Variants in CUX1 observed in about 807,000 individuals in gnomAD.
CUX1 encodes cut like homeobox 1, also known as protein CASP.
Under a neutral mutation model 158.8 loss-of-function variants are expected in CUX1, and 31 were observed. The observed-to-expected ratio is 0.20, with a 90% confidence interval of 0.15 to 0.26. The LOEUF is 0.26. CUX1 is among the 10% of genes least tolerant of loss of function. The pLI, the probability that CUX1 is intolerant of heterozygous loss-of-function variation, is 1.00. For synonymous variants in CUX1, 879 were observed against 862.1 expected (o/e 1.02, Z -0.34); for missense variants, 1,589 against 2,014.6 (o/e 0.79, Z 4.04).
At chr7:102,054,820 G>A (rs1585441043) in intron 3 of CUX1, among the ~76,000 whole-genome samples, 2 of 152,054 alleles carry the variant, frequency 1.3e-5, no homozygotes, top group East Asian at 3.8e-4. Flanking sequence ...AAAAGTTAAA[G>A]ATTAGCCAAG....
At chr7:102,209,698 T>G (rs1415284192) in intron 20 of CUX1, among the ~76,000 whole-genome samples, 4 of 152,156 alleles carry the variant, frequency 2.6e-5, no homozygotes, top group African/African-American at 9.7e-5. Flanking sequence ...AGGTGGTCCT[T>G]GGGGACTGAT....
intron 4 of CUX1, among the ~76,000 whole-genome samples, chr7:102,079,080 A>T (rs782506435): frequency 6.6e-6 from 1 of 152,188 alleles, no homozygotes; most frequent in Non-Finnish European, 1.5e-5. Context: ...CTGTTCTTTT[A>T]TACTTCTTTC....
intron 8 of CUX1, chr7:102,153,814 GAC>G (rs1186933439): frequency 3.9e-5 from 6 of 152,270 alleles, no homozygotes; most frequent in African/African-American, 7.2e-5. Context: ...GCTTCTGAAA[GAC>G]ACACCCAGAC....
intron 2 of CUX1, among the ~76,000 whole-genome samples, chr7:102,026,556 A>T (rs1820045820): frequency 6.6e-6 from 1 of 151,676 alleles, no homozygotes; most frequent in African/African-American, 2.4e-5. Context: ...CCGGTGGCTC[A>T]TGCCTGTAAT....
At chr7:102,266,231 G>A (rs1790805451) in intron 14 of CUX1, among the ~76,000 whole-genome samples, 1 of 150,720 alleles carries the variant, frequency 6.6e-6, no homozygotes, top group Non-Finnish European at 1.5e-5. Context: ...GAGAGAGAGA[G>A]AGACTTAAGA....
intron 2 of CUX1, among the ~76,000 whole-genome samples, chr7:101,942,805 G>A (rs1353365177): frequency 4.6e-5 from 7 of 152,206 alleles, no homozygotes; most frequent in Admixed American, 6.5e-5. Context: ...CTCCTCCACC[G>A]ACTGCTCCAA....
rs1799927119 is a variant in CUX1 at position 102,239,408 on chromosome 7, CCCCCAG to C, written c.3719_3724del (p.Pro1240_Gln1241del). The C allele has an allele frequency of 6.2e-7, 1 of 1,613,500 alleles. No homozygotes were observed. The highest frequency in any genetic ancestry group is 1.3e-5 in the African/African-American group (1 of 74,946). On this transcript the variant is annotated inframe_deletion, in exon 23 of 24. Transcript: ENST00000292535. Reference sequence around the variant, plus strand: ...GCACCGAGTACAGCCAGGGCGCCAGCCCCCAGCCCCAGCACCAGCTGAAGAAACCCC... The same window carrying C: ...GCACCGAGTACAGCCAGGGCGCCAGCCCCCAGCACCAGCTGAAGAAACCCC...
chr7:102,170,347 T>C (rs781828141), intron 9 of CUX1, 99 bp from the exon 10 acceptor site: 124 of 818,742 alleles, frequency 1.5e-4, no homozygotes, highest in Non-Finnish European at 2.0e-4. Context: ...GGAAAATCAA[T>C]TATAGTCAGT....
At chr7:102,186,941 A>C (rs1554515491) in intron 11 of CUX1, 2 of 152,200 alleles carry the variant, frequency 1.3e-5, no homozygotes, top group Non-Finnish European at 2.9e-5. Context: ...CTGAGGCAAG[A>C]GAATTGCTTG....
Position 102,253,945 on chromosome 7 carries a change from G to A in CUX1, c.*4903G>A. 1 of 985,556 alleles carries A rather than the reference G, an allele frequency of 1.0e-6. No individual in the cohort carries two copies. Among genetic ancestry groups the A allele is most frequent in the Non-Finnish European group, 1.2e-6 (1 of 830,048 alleles). The allele number at this position is 985,556 out of a possible 1,614,324, so 61.1% of individuals were successfully genotyped here. A position where few individuals can be genotyped will look rare whatever the true frequency, so the allele number is the denominator to read the frequency against. On this transcript the variant is annotated 3_prime_UTR_variant, in exon 24 of 24. Transcript: ENST00000292535. The stretch of plus-strand genomic sequence containing the variant: ...ATTGTCCCTTCTACCTCACTAACCT[G>A]TCTTCTCCATCTGATGTCACCCAGA...
chr7:102,201,025 TAAAAAAAAAA>T lies in CUX1; in HGVS notation c.2063-315_2063-306del, dbSNP rs78359248. On this transcript the variant is annotated intron_variant, in intron 17 of 23. Transcript: ENST00000292535. The surrounding 1 kb of genome is among the most constrained non-coding windows in gnomAD (Gnocchi z 5.0). ...CTGGACAACAGCGAGATCCTGTCGC[TAAAAAAAAAA>T]AAAAAAAAAAAAAAAAAAATTCTCG... Among the ~76,000 whole-genome samples, 337 of 42,136 alleles carry T rather than the reference TAAAAAAAAAA, an allele frequency of 8.0e-3. 4 individuals are homozygous for T. The highest frequency in any genetic ancestry group is 0.03 in the Middle Eastern group (2 of 66). 27.6% of individuals were successfully genotyped at this position (42,136 alleles called of 152,430 possible). A position where few individuals can be genotyped will look rare whatever the true frequency, so the allele number is the denominator to read the frequency against.
intron 2 of CUX1, among the ~76,000 whole-genome samples, chr7:101,928,350 A>C (rs1440971560): frequency 6.6e-6 from 1 of 151,842 alleles, no homozygotes; most frequent in Non-Finnish European, 1.5e-5. Context: ...TTGTGTTCAC[A>C]AATGGCCTTT....
At chr7:102,099,038 G>A (rs1829507623) in intron 5 of CUX1, among the ~76,000 whole-genome samples, 1 of 152,082 alleles carries the variant, frequency 6.6e-6, no homozygotes, top group Non-Finnish European at 1.5e-5. Context: ...TTGTCCATGG[G>A]AATGATCCAG....
intron 1 of CUX1, among the ~76,000 whole-genome samples, chr7:101,827,410 G>A (rs1793464057): frequency 6.6e-6 from 1 of 152,052 alleles, no homozygotes; most frequent in African/African-American, 2.4e-5. Flanking sequence ...GGCTCAAGCA[G>A]TCCTCCCACA....
At chr7:102,159,784 C>T (rs1289289541) in intron 9 of CUX1, among the ~76,000 whole-genome samples, 1 of 152,058 alleles carries the variant, frequency 6.6e-6, no homozygotes, top group Non-Finnish European at 1.5e-5. Flanking sequence ...TCACTTGAAC[C>T]CTGGAGGCAG....
intron 4 of CUX1, among the ~76,000 whole-genome samples, chr7:102,096,144 C>T (rs1554484021): frequency 1.3e-5 from 2 of 152,354 alleles, no homozygotes; most frequent in East Asian, 1.9e-4. Flanking sequence ...CCGTGCAGCG[C>T]GCGCTGCTCT....
At chr7:102,189,735 C>T (rs570615931) in intron 11 of CUX1, 78 bp from the exon 12 acceptor site, 2 of 1,487,348 alleles carry the variant, frequency 1.3e-6, no homozygotes, top group Admixed American at 1.7e-5. Flanking sequence ...GCTGGCTGTT[C>T]CGCAGTGAAT....
At chr7:101,989,891 G>A (rs565592261) in intron 2 of CUX1, among the ~76,000 whole-genome samples, 1 of 152,324 alleles carries the variant, frequency 6.6e-6, no homozygotes, top group African/African-American at 2.4e-5. Flanking sequence ...AAGTCTGTCC[G>A]TACACGCTCG....
At chr7:102,144,549 C>A (rs1834822824) in intron 8 of CUX1, among the ~76,000 whole-genome samples, 1 of 151,676 alleles carries the variant, frequency 6.6e-6, no homozygotes, top group Admixed American at 6.6e-5. Flanking sequence ...TTTTCACCTG[C>A]AGTCCCAGCA....
Sources: allele counts gnomAD v4.1 joint callset (sites outside exome capture counted in the v4.1 genomes callset), GRCh38; gene constraint gnomAD v4.1.1; non-coding constraint Gnocchi (gnomAD v3.1); transcripts MANE v1.5; gene names NCBI Gene and HGNC (gene_info 2026-07-23, HGNC 2026-07-21).